The following PCCA variants were observed in gnomAD, a reference collection of about 807,000 sequenced individuals.
PCCA encodes propionyl-CoA carboxylase alpha chain, mitochondrial.
A neutral mutation model predicts 101.3 loss-of-function variants in PCCA; 74 were observed. The ratio of observed to expected loss-of-function variants is 0.73; its 90% CI spans 0.61 to 0.89. The LOEUF (loss-of-function observed/expected upper bound fraction) is 0.89. Ranked by LOEUF, PCCA falls within the 40% of genes least tolerant of loss-of-function variation. The pLI is 0.00. For synonymous variants in PCCA, 294 were observed against 313.6 expected (o/e 0.94, Z 0.66); for missense variants, 891 against 907.0 (o/e 0.98, Z 0.23).
At chr13:100,443,195 T>G (rs997977672) in intron 20 of PCCA, among the ~76,000 whole-genome samples, 10 of 152,064 alleles carry the variant, frequency 6.6e-5, no homozygotes, top group African/African-American at 2.2e-4. Flanking sequence ...GCTCACAACT[T>G]GAGTGGTTAT....
intron 7 of PCCA, among the ~76,000 whole-genome samples, chr13:100,233,395 TTTTAA>T (rs2060605478): frequency 6.6e-6 from 1 of 152,290 alleles, no homozygotes; most frequent in South Asian, 2.1e-4. Context: ...TTCTGTGAGC[TTTTAA>T]TTTAATCTTT....
intron 17 of PCCA, among the ~76,000 whole-genome samples, chr13:100,332,042 G>A (rs189212711): frequency 3.0e-4 from 45 of 149,154 alleles, no homozygotes; most frequent in Non-Finnish European, 5.5e-4. Context: ...GGTTTCAAGC[G>A]ATTCTCCTGC....
intron 19 of PCCA, among the ~76,000 whole-genome samples, chr13:100,415,097 G>C (rs1312254550): frequency 6.6e-6 from 1 of 151,916 alleles, no homozygotes; most frequent in Non-Finnish European, 1.5e-5. Context: ...ATTATTTCTA[G>C]GATTCTTTCT....
intron 19 of PCCA, among the ~76,000 whole-genome samples, chr13:100,393,148 CA>C (rs1433923286): frequency 1.3e-5 from 2 of 152,068 alleles, no homozygotes; most frequent in Non-Finnish European, 2.9e-5. Flanking sequence ...TGGGTTGTGT[CA>C]CATTTAATAG....
intron 20 of PCCA, among the ~76,000 whole-genome samples, chr13:100,427,595 T>C (rs1035867969): frequency 2.0e-5 from 3 of 152,138 alleles, no homozygotes; most frequent in African/African-American, 7.2e-5. Flanking sequence ...AATTAATGTG[T>C]CTGAAATAAG....
chr13:100,323,982 T>C (rs1359984881), intron 16 of PCCA, among the ~76,000 whole-genome samples: 2 of 152,226 alleles, frequency 1.3e-5, no homozygotes, highest in Admixed American at 6.5e-5. Flanking sequence ...GTGGGGATTC[T>C]GTGAGACTTG....
chr13:100,485,626 A>G (rs1202127514), intron 21 of PCCA, among the ~76,000 whole-genome samples: 1 of 152,210 alleles, frequency 6.6e-6, no homozygotes, highest in Non-Finnish European at 1.5e-5. Context: ...TAAACGTACT[A>G]CAAGGGTATA....
chr13:100,503,387 G>C (rs1227274941), intron 21 of PCCA, among the ~76,000 whole-genome samples: 1 of 152,208 alleles, frequency 6.6e-6, no homozygotes, highest in African/African-American at 2.4e-5. Context: ...CTACTCGGGA[G>C]GCTGAGGCAG....
intron 10 of PCCA, among the ~76,000 whole-genome samples, chr13:100,266,892 C>T (rs1036941634): frequency 4.6e-5 from 7 of 152,202 alleles, no homozygotes; most frequent in Admixed American, 2.6e-4. Flanking sequence ...ACATTCAGTA[C>T]GTGTAAACCT....
At position 100,323,873 on chromosome 13, in the gene PCCA, C is replaced by A. The variant is rs2068343810; in HGVS notation, c.1430-6688C>A. Among the ~76,000 whole-genome samples, 5 of 151,978 alleles carry A rather than the reference C, an allele frequency of 3.3e-5. No individual in the cohort carries two copies. The South Asian group carries it at 1.0e-3, about 32-fold the overall frequency. ...TAATTTACAAATGAGGAAACTAAAG[C>A]TTTGAGAGGTTAACTAACTTACCTA... is the stretch of plus-strand genomic sequence containing the variant. On this transcript the variant is annotated intron_variant, in intron 16 of 23. Coordinates refer to ENST00000376285, the MANE Select transcript of PCCA (RefSeq NM_000282.4).
chr13:100,318,181 A>G (rs1163649319), intron 16 of PCCA, among the ~76,000 whole-genome samples: 1 of 152,088 alleles, frequency 6.6e-6, no homozygotes, highest in South Asian at 2.1e-4. Context: ...TGCATGGCCT[A>G]TCACACGCTG....
intron 19 of PCCA, among the ~76,000 whole-genome samples, chr13:100,416,033 A>G (rs2078335057): frequency 6.6e-6 from 1 of 152,140 alleles, no homozygotes; most frequent in Admixed American, 6.5e-5. Context: ...GATGACGTAG[A>G]TAGGAAAATC....
intron 20 of PCCA, among the ~76,000 whole-genome samples, chr13:100,439,148 G>T (rs1226428479): frequency 2.0e-5 from 3 of 152,132 alleles, no homozygotes; most frequent in African/African-American, 7.2e-5. Flanking sequence ...AAAATTTTTT[G>T]TAAACCAGAG....
At chr13:100,342,323 G>A (rs1430882932) in intron 18 of PCCA, among the ~76,000 whole-genome samples, 2 of 152,004 alleles carry the variant, frequency 1.3e-5, no homozygotes, top group African/African-American at 4.8e-5. Context: ...GAGTGCAGTG[G>A]TGCGATCTCG....
intron 4 of PCCA, among the ~76,000 whole-genome samples, chr13:100,145,886 T>G (rs1460928244): frequency 1.3e-5 from 2 of 150,944 alleles, no homozygotes; most frequent in African/African-American, 4.9e-5. Context: ...AGTTTAGCTA[T>G]TACATATATT....
At chr13:100,433,976 C>T (rs930004718) in intron 20 of PCCA, among the ~76,000 whole-genome samples, 16 of 152,148 alleles carry the variant, frequency 1.1e-4, no homozygotes, top group Admixed American at 2.6e-4. Flanking sequence ...AATGGGCAGC[C>T]GTGTAAAACT....
At chr13:100,509,194 G>A (rs938640774) in intron 21 of PCCA, among the ~76,000 whole-genome samples, 2 of 151,326 alleles carry the variant, frequency 1.3e-5, no homozygotes, top group African/African-American at 4.8e-5. Flanking sequence ...GCCAGTAGAC[G>A]GATATGTTAA....
At chr13:100,230,941 C>T (rs769141624) in intron 7 of PCCA, among the ~76,000 whole-genome samples, 3 of 152,166 alleles carry the variant, frequency 2.0e-5, no homozygotes, top group Non-Finnish European at 4.4e-5. Context: ...TGCTCTGAGG[C>T]TACAGTTCAG....
chr13:100,464,463 A>G (rs2082370367), intron 21 of PCCA: 1 of 152,148 alleles, frequency 6.6e-6, no homozygotes, highest in African/African-American at 2.4e-5. Context: ...TTTTTATTGT[A>G]GCTCCCCACT....
Sources: allele counts gnomAD v4.1 joint callset (sites outside exome capture counted in the v4.1 genomes callset), GRCh38; gene constraint gnomAD v4.1.1; transcripts MANE v1.5; gene names NCBI Gene and HGNC (gene_info 2026-07-23, HGNC 2026-07-21).